Variants in TIMM23B observed in about 807,000 individuals in gnomAD.
TIMM23B encodes the protein translocase of inner mitochondrial membrane 23 homolog B.
In TIMM23B, 27 loss-of-function variants were observed where a neutral mutation model predicts 27.3. That is an observed-to-expected ratio of 0.99 (90% CI 0.73 to 1.36). The LOEUF (loss-of-function observed/expected upper bound fraction) is 1.36. Among genes scored for constraint, TIMM23B ranks in the 40% most tolerant of loss-of-function variants. The pLI is 0.00. For missense variants in TIMM23B, 205 were observed against 244.2 expected (o/e 0.84, Z 1.07); for synonymous variants, 73 against 92.4 (o/e 0.79, Z 1.21).
At chr10:49,945,883 C>G (rs1310165857) in intron 2 of TIMM23B, among the ~76,000 whole-genome samples, 1 of 151,736 alleles carries the variant, frequency 6.6e-6, no homozygotes, top group African/African-American at 2.4e-5. Flanking sequence ...CCAACACCCC[C>G]TTTAATGATT....
Position 49,942,305 on chromosome 10 carries a change from G to C in TIMM23B, c.106+5G>C. On this transcript the variant is annotated splice_donor_5th_base_variant and intron_variant, in intron 1 of 6. Coordinates refer to ENST00000651259, the MANE Select transcript of TIMM23B (RefSeq NM_001290117.2). ...CGGATTTGGCTGGCGTCCCGCGTAA[G>C]TATGGGGCCTAGCTTGCGATTATTT... The C allele has an allele frequency of 6.2e-7, 1 of 1,608,100 alleles. No individual in the cohort carries two copies. Among genetic ancestry groups the C allele is most frequent in the Non-Finnish European group, 8.5e-7 (1 of 1,176,872 alleles).
At chr10:49,956,403 T>C (rs1362931375) in intron 5 of TIMM23B, among the ~76,000 whole-genome samples, 17 of 147,276 alleles carry the variant, frequency 1.2e-4, no homozygotes, top group African/African-American at 4.2e-4. Flanking sequence ...TTTTTTAATC[T>C]ATTTTTTCTT....
In TIMM23B at chr10:49,958,625, A is replaced by G. The variant is rs1164084795; in HGVS notation, c.514+145A>G. 7 of 844,096 alleles carry G rather than the reference A, an allele frequency of 8.3e-6. No individual in the cohort carries two copies. In the African/African-American group the frequency reaches 1.0e-4, roughly 12 times the overall value. The allele number at this position is 844,096 out of a possible 1,614,324, so 52.3% of individuals were successfully genotyped here. ...TTATTTTGGTTTGGTTTGGTTTTTA[A>G]TTGTGGTAAAATATGAGATTTACCC... On this transcript the variant is annotated intron_variant, in intron 6 of 6. Transcript: ENST00000651259.
At chr10:49,966,730 G>C (rs780726792) in intron 6 of TIMM23B, among the ~76,000 whole-genome samples, 49 of 151,928 alleles carry the variant, frequency 3.2e-4, no homozygotes, top group Non-Finnish European at 1.6e-4. Context: ...GAGGCAGAGA[G>C]AGGAGAATCG....
At chr10:49,966,793 C>T (rs2132056493) in intron 6 of TIMM23B, among the ~76,000 whole-genome samples, 1 of 152,256 alleles carries the variant, frequency 6.6e-6, no homozygotes, top group African/African-American at 2.4e-5. Flanking sequence ...CCACTGCACT[C>T]CAGCCTGGGC....
rs1303533654 is a variant in TIMM23B at position 49,945,085 on chromosome 10, G to A, written c.160G>A (p.Val54Met). ...PYLNVDPRYL[V>M]QDTDEFILPT... ...TTTAAATGTGGATCCACGATACCTC[G>A]TGCAGGTAAGACTAAGATTTTACTA... The change falls in exon 2 of 7, where the codon GTG becomes ATG. Residue 54 changes from valine (V) to methionine (M), a missense_variant. Transcript: ENST00000651259. The A allele has an allele frequency of 8.7e-6, 14 of 1,610,686 alleles. No homozygotes were observed. Among genetic ancestry groups the A allele is most frequent in the African/African-American group, 5.4e-5 (4 of 74,684 alleles).
At chr10:49,972,735 G>C (rs1163973859) in intron 6 of TIMM23B, 3 of 453,212 alleles carry the variant, frequency 6.6e-6, no homozygotes, top group Non-Finnish European at 1.2e-5. Context: ...GTGTTACATA[G>C]AATCAGTGCA....
At chr10:49,962,474 T>A (rs1440916445) in intron 6 of TIMM23B, among the ~76,000 whole-genome samples, 1 of 152,182 alleles carries the variant, frequency 6.6e-6, no homozygotes, top group Non-Finnish European at 1.5e-5. Context: ...GTGCTGGGAT[T>A]ACAGGCGTGA....
chr10:49,950,855 T>G (rs1839508349), intron 2 of TIMM23B, among the ~76,000 whole-genome samples: 3 of 152,264 alleles, frequency 2.0e-5, no homozygotes, highest in Admixed American at 2.0e-4. Flanking sequence ...TTTTCTATTC[T>G]TAATTAGTGA....
intron 6 of TIMM23B, among the ~76,000 whole-genome samples, chr10:49,963,589 T>C (rs1205408189): frequency 6.6e-6 from 1 of 152,172 alleles, no homozygotes; most frequent in African/African-American, 2.4e-5. Flanking sequence ...CTGGGTGCGG[T>C]GATGCACTCC....
At chr10:49,969,436 CAAAAAAA>C (rs533041097) in intron 6 of TIMM23B, among the ~76,000 whole-genome samples, 4 of 74,760 alleles carry the variant, frequency 5.4e-5, no homozygotes, top group East Asian at 5.5e-4. Flanking sequence ...GACCCTGTGT[CAAAAAAA>C]AAAAAAAAAA....
chr10:49,973,865 G>C lies in TIMM23B; in HGVS notation c.*801G>C, dbSNP rs1840554259. 1.4e-5 allele frequency: 2 copies of C among 143,190 alleles called. No homozygotes were observed. Among genetic ancestry groups the C allele is most frequent in the Admixed American group, 7.0e-5 (1 of 14,370 alleles). The allele number at this position is 143,190 out of a possible 1,614,324, so 8.9% of individuals were successfully genotyped here. A position where few individuals can be genotyped will look rare whatever the true frequency, so the allele number is the denominator to read the frequency against. On this transcript the variant is annotated 3_prime_UTR_variant, in exon 7 of 7. Coordinates refer to ENST00000651259, the MANE Select transcript of TIMM23B (RefSeq NM_001290117.2). ...TGTTGCCAGGCTGGAGTGCAGTGGT[G>C]CTCTCAGCTCACTGCAACCTCTGCC...
chr10:49,942,252 G>A lies in TIMM23B; in HGVS notation c.58G>A (p.Gly20Arg), dbSNP rs1447854243. 1 of 1,612,784 alleles carries A rather than the reference G, an allele frequency of 6.2e-7. No homozygotes were observed. Among genetic ancestry groups the A allele is most frequent in the South Asian group, 1.1e-5 (1 of 90,822 alleles). Residue 20 changes from glycine to arginine, a missense_variant, in exon 1 of 7, where the codon GGA (glycine) becomes AGA (arginine). Transcript: ENST00000651259. ...KTTGVLAGFFGAGEAGYSHAD... is the reference protein window; with the variant it reads ...KTTGVLAGFFRAGEAGYSHAD... ...CACAGGGGTATTGGCCGGCTTTTTCGGAGCCGGCGAAGCAGGTTACTCGCA... is the reference window on the plus strand; with the variant it reads ...CACAGGGGTATTGGCCGGCTTTTTCAGAGCCGGCGAAGCAGGTTACTCGCA...
chr10:49,971,661 CAT>C (rs1342111748), intron 6 of TIMM23B, among the ~76,000 whole-genome samples: 8 of 152,322 alleles, frequency 5.3e-5, no homozygotes, highest in African/African-American at 1.4e-4. Context: ...CAAATTGAGA[CAT>C]GTGCATAGCT....
intron 2 of TIMM23B, among the ~76,000 whole-genome samples, chr10:49,951,106 T>C (rs1225066431): frequency 3.3e-5 from 5 of 152,224 alleles, no homozygotes; most frequent in South Asian, 2.1e-4. Flanking sequence ...ACCATTCTTA[T>C]GTGATGAGAG....
chr10:49,973,200 G>C lies in TIMM23B; in HGVS notation c.*136G>C, dbSNP rs1291444822. 2 of 575,556 alleles carry C rather than the reference G, an allele frequency of 3.5e-6. No individual in the cohort carries two copies. Among genetic ancestry groups the C allele is most frequent in the African/African-American group, 1.9e-5 (1 of 53,080 alleles). 35.7% of individuals were successfully genotyped at this position (575,556 alleles called of 1,614,324 possible). ...GACTTTTCCATGGAATGGACAAGTA[G>C]TAGTCTCTGTCAGAGCTACATTTTA... is the stretch of plus-strand genomic sequence containing the variant. On this transcript the variant is annotated 3_prime_UTR_variant, in exon 7 of 7. Coordinates refer to ENST00000651259, the MANE Select transcript of TIMM23B (RefSeq NM_001290117.2).
intron 6 of TIMM23B, among the ~76,000 whole-genome samples, chr10:49,969,508 A>C (rs1840323203): frequency 6.6e-6 from 1 of 151,630 alleles, no homozygotes. Flanking sequence ...GCTTGAGCCC[A>C]GGAGTTGGAG....
rs1401031325 is a variant in TIMM23B at position 49,952,486 on chromosome 10, A to G, written c.297A>G (p.Gly99=). ...AFGAMNGLRL[G]LKETQNMAWS... Reference sequence around the variant, plus strand: ...GGGCAATGAATGGTCTTCGGCTAGGATTGAAGGAAACCCAGAACATGGCCT... The same window carrying G: ...GGGCAATGAATGGTCTTCGGCTAGGGTTGAAGGAAACCCAGAACATGGCCT... Residue 99 remains glycine (G), a synonymous_variant, in exon 4 of 7, where the codon GGA becomes GGG. Coordinates refer to ENST00000651259, the MANE Select transcript of TIMM23B (RefSeq NM_001290117.2). 2.0e-5 allele frequency: 32 copies of G among 1,613,012 alleles called. No individual in the cohort carries two copies. Among genetic ancestry groups the G allele is most frequent in the Non-Finnish European group, 2.7e-5 (32 of 1,179,484 alleles).
At chr10:49,962,356 C>G (rs1839948632) in intron 6 of TIMM23B, among the ~76,000 whole-genome samples, 2 of 152,080 alleles carry the variant, frequency 1.3e-5, no homozygotes, top group Non-Finnish European at 2.9e-5. Context: ...ATGCCCGCCA[C>G]CACGCCCAGC....
Sources: gnomAD v4.1 joint callset for allele counts (sites outside exome capture counted in the v4.1 genomes callset) on GRCh38, gnomAD v4.1.1 for gene constraint, MANE v1.5 for transcripts, NCBI Gene and HGNC (gene_info 2026-07-23, HGNC 2026-07-21) for gene names.